Variants in ITGA11 observed in about 807,000 individuals in gnomAD.
ITGA11 encodes the protein integrin alpha-11.
A neutral mutation model predicts 141.9 loss-of-function variants in ITGA11; 97 were observed. That is an observed-to-expected ratio of 0.68 (90% CI 0.58 to 0.81). The LOEUF is 0.81. ITGA11 is among the 30% of genes least tolerant of loss of function. ITGA11 has a pLI of 0.00. For missense variants in ITGA11, 1,387 were observed against 1,559.2 expected (o/e 0.89, Z 1.86); for synonymous variants, 658 against 624.6 (o/e 1.05, Z -0.80).
At position 68,333,725 on chromosome 15, in the gene ITGA11, C is replaced by T. The variant is rs1595864167; in HGVS notation, c.1426-1247G>A. Among the ~76,000 whole-genome samples, 2 of 152,204 alleles carry T rather than the reference C, an allele frequency of 1.3e-5. No individual in the cohort carries two copies. The highest frequency in any genetic ancestry group is 2.9e-5 in the Non-Finnish European group (2 of 68,038). On this transcript the variant is annotated intron_variant, in intron 12 of 29. Coordinates refer to ENST00000315757, the MANE Select transcript of ITGA11 (RefSeq NM_001004439.2). The surrounding 1 kb of genome is among the most constrained non-coding windows in gnomAD (Gnocchi z 4.2). ...TTCAGCCCACCCCCATGGCAGCTGG[C>T]GTGGCCTCTAACACCACTCCACCTC...
At chr15:68,309,123 A>G (rs907349925) in intron 26 of ITGA11, among the ~76,000 whole-genome samples, 1 of 152,274 alleles carries the variant, frequency 6.6e-6, no homozygotes, top group African/African-American at 2.4e-5. Context: ...TGGCTTTGCC[A>G]GTACCATCCT....
At chr15:68,353,582 T>C (rs917260411) in intron 7 of ITGA11, among the ~76,000 whole-genome samples, 1 of 152,222 alleles carries the variant, frequency 6.6e-6, no homozygotes, top group Non-Finnish European at 1.5e-5. Flanking sequence ...GAATGTCATA[T>C]GAATCTGTAA....
In ITGA11 at chr15:68,311,348, G is replaced by A; in HGVS notation, c.3029C>T (p.Pro1010Leu). The part of the protein sequence containing the change: ...IHGMMMKITI[P>L]IATRSGNRLL... ...GCGGTTGCCGCTCCTGGTGGCGATG[G>A]GAATGGTGATCTTCATCATCATCCC... The change falls in exon 25 of 30, where the codon CCC becomes CTC. Residue 1010 changes from proline to leucine, a missense_variant. Transcript: ENST00000315757. 1 of 1,578,712 alleles carries A rather than the reference G, an allele frequency of 6.3e-7. No homozygotes were observed. The highest frequency in any genetic ancestry group is 2.3e-5 in the East Asian group (1 of 43,170).
intron 10 of ITGA11, among the ~76,000 whole-genome samples, chr15:68,344,427 A>G (rs1488861608): frequency 1.3e-5 from 2 of 152,142 alleles, no homozygotes; most frequent in Non-Finnish European, 2.9e-5. Flanking sequence ...TACACCTCTA[A>G]AGCTTCAGCC....
intron 1 of ITGA11, among the ~76,000 whole-genome samples, chr15:68,427,392 C>T (rs549319726): frequency 1.3e-5 from 2 of 152,240 alleles, no homozygotes; most frequent in African/African-American, 4.8e-5. Context: ...GTTGAGAAAA[C>T]TGAGGCCTGG....
At chr15:68,396,248 A>G (rs1346498163) in intron 2 of ITGA11, among the ~76,000 whole-genome samples, 2 of 117,340 alleles carry the variant, frequency 1.7e-5, no homozygotes, top group Non-Finnish European at 1.8e-5. Flanking sequence ...GAAAATATCA[A>G]TCCAATCAAT....
At chr15:68,364,963 C>A (rs1400720451) in intron 3 of ITGA11, among the ~76,000 whole-genome samples, 165 bp from the exon 4 acceptor site, 1 of 152,124 alleles carries the variant, frequency 6.6e-6, no homozygotes, top group African/African-American at 2.4e-5. Flanking sequence ...ACTCTCAGGA[C>A]ATCCTCACAA....
intron 10 of ITGA11, among the ~76,000 whole-genome samples, chr15:68,339,976 C>G (rs1595867052): frequency 2.0e-5 from 3 of 152,176 alleles, no homozygotes; most frequent in African/African-American, 7.2e-5. Context: ...TAGGGACCGT[C>G]TCGCCACTGT....
At chr15:68,351,956 G>A (rs936522846) in intron 7 of ITGA11, among the ~76,000 whole-genome samples, 7 of 151,926 alleles carry the variant, frequency 4.6e-5, no homozygotes, top group South Asian at 2.1e-4. Context: ...GTTGGCATGC[G>A]CCTGTAATCC....
intron 4 of ITGA11, among the ~76,000 whole-genome samples, chr15:68,363,743 T>C (rs1052997208): frequency 9.2e-5 from 14 of 152,144 alleles, no homozygotes; most frequent in African/African-American, 1.7e-4. Flanking sequence ...AGGATCCTGT[T>C]TGAACCCCAA....
rs1185720333 is a variant in ITGA11 at position 68,297,489 on chromosome 15, T to TA, written c.*5569dup. ...AAGCTATGTCTGGTTAGGTAAATCA[T>TA]ACACCTGTATCCAGAGTTTTGTTTT... On this transcript the variant is annotated 3_prime_UTR_variant, in exon 30 of 30. Coordinates refer to ENST00000315757, the MANE Select transcript of ITGA11 (RefSeq NM_001004439.2). 4 of 143,604 alleles carry TA rather than the reference T, an allele frequency of 2.8e-5. No homozygotes were observed. In the East Asian group the frequency reaches 8.9e-4, roughly 32 times the overall value. The allele number at this position is 143,604 out of a possible 1,614,324, so 8.9% of individuals were successfully genotyped here.
At chr15:68,358,826 T>A (rs1895153032) in intron 5 of ITGA11, among the ~76,000 whole-genome samples, 1 of 152,242 alleles carries the variant, frequency 6.6e-6, no homozygotes, top group Non-Finnish European at 1.5e-5. Context: ...GCCTGATCAC[T>A]TCTATTCCTA....
At chr15:68,318,936 C>T (rs1893694515) in intron 20 of ITGA11, among the ~76,000 whole-genome samples, 1 of 152,202 alleles carries the variant, frequency 6.6e-6, no homozygotes, top group Non-Finnish European at 1.5e-5. Flanking sequence ...GTCTTGAGGG[C>T]CTTCTATGTG....
chr15:68,343,014 TC>T (rs1894622893), intron 10 of ITGA11, among the ~76,000 whole-genome samples: 1 of 147,792 alleles, frequency 6.8e-6, no homozygotes, highest in Non-Finnish European at 1.5e-5. Context: ...TCTCTCTCTC[TC>T]TCTCTCTCTC....
At chr15:68,311,434 A>G in intron 24 of ITGA11, 31 bp from the exon 25 acceptor site, 1 of 1,459,576 alleles carries the variant, frequency 6.9e-7, no homozygotes, top group Non-Finnish European at 9.4e-7. Context: ...GTGTCAGTAC[A>G]GTCAGTTGAG....
chr15:68,334,836 A>G (rs572364453), intron 12 of ITGA11, among the ~76,000 whole-genome samples: 3 of 152,332 alleles, frequency 2.0e-5, no homozygotes, highest in South Asian at 4.1e-4. Context: ...CTAGCCCTCG[A>G]TTCCCAAAAG....
At chr15:68,350,393 C>G (rs937073652) in intron 9 of ITGA11, among the ~76,000 whole-genome samples, 2 of 152,048 alleles carry the variant, frequency 1.3e-5, no homozygotes, top group African/African-American at 4.8e-5. Context: ...TTTTGCCTTG[C>G]TGACCAAACT....
At chr15:68,426,526 C>T (rs553423463) in intron 1 of ITGA11, among the ~76,000 whole-genome samples, 38 of 152,084 alleles carry the variant, frequency 2.5e-4, no homozygotes, top group Non-Finnish European at 4.1e-4. Flanking sequence ...CCACTTCTAC[C>T]GAGTCAGCAT....
intron 3 of ITGA11, among the ~76,000 whole-genome samples, chr15:68,367,863 A>C (rs1405316673): frequency 6.6e-6 from 1 of 152,198 alleles, no homozygotes; most frequent in Non-Finnish European, 1.5e-5. Flanking sequence ...GTACAGCTGG[A>C]AGGGGACTCC....
Sources: allele counts gnomAD v4.1 joint callset (sites outside exome capture counted in the v4.1 genomes callset), GRCh38; gene constraint gnomAD v4.1.1; non-coding constraint Gnocchi (gnomAD v3.1); transcripts MANE v1.5; gene names NCBI Gene and HGNC (gene_info 2026-07-23, HGNC 2026-07-21).